Variants in MEI1 observed in about 807,000 individuals in gnomAD.
MEI1 encodes the protein meiotic double-stranded break formation protein 1.
A neutral mutation model predicts 146.2 loss-of-function variants in MEI1; 103 were observed. The ratio of observed to expected loss-of-function variants is 0.70; its 90% CI spans 0.60 to 0.83. MEI1 has a LOEUF of 0.83. Among genes scored for constraint, MEI1 ranks in the 40% least tolerant of loss-of-function variants. The pLI, the probability that MEI1 is intolerant of heterozygous loss-of-function variation, is 0.00. For missense variants in MEI1, 1,529 were observed against 1,533.0 expected, an observed-to-expected ratio of 1.00 and a Z score of 0.04; for synonymous variants, 652 against 628.2, an observed-to-expected ratio of 1.04 and a Z score of -0.57.
chr22:41,732,608 G>A lies in MEI1; in HGVS notation c.1331+5G>A. ...GGCCACTTCTGCTTTTCTGAGGTGA[G>A]AGACCCAGGCAGGCTGAACTTTCCA... On this transcript the variant is annotated splice_donor_5th_base_variant and intron_variant, in intron 11 of 30. Transcript: ENST00000401548. 2 of 1,612,012 alleles carry A rather than the reference G, an allele frequency of 1.2e-6. No individual in the cohort carries two copies. Among genetic ancestry groups the A allele is most frequent in the East Asian group, 2.2e-5 (1 of 44,848 alleles).
intron 26 of MEI1, among the ~76,000 whole-genome samples, chr22:41,791,319 TC>T (rs1253658234): frequency 6.7e-6 from 1 of 149,240 alleles, no homozygotes; most frequent in Non-Finnish European, 1.5e-5. Flanking sequence ...CAACCCTATC[TC>T]TATAAAAAAT....
At position 41,763,188 on chromosome 22, in the gene MEI1, CAG is replaced by C. The variant is rs1396359145; in HGVS notation, c.2138_2139del (p.Glu713ValfsTer3). 6.2e-7 allele frequency: 1 copy of C among 1,613,858 alleles called. No individual in the cohort carries two copies. On this transcript the variant is annotated frameshift_variant, in exon 19 of 31. Coordinates refer to ENST00000401548, the MANE Select transcript of MEI1 (RefSeq NM_152513.4). LOFTEE classifies it high-confidence loss of function. ...TTGGTTGACAGGTTTGTCTCAGAGG[CAG>C]AGTTATTTGAGGCTGTGCAAAGCTT...
At chr22:41,784,861 A>AGGAGTATCAGGCT in intron 26 of MEI1, 78 bp downstream of exon 26, 1 of 1,210,892 alleles carries the variant, frequency 8.3e-7, no homozygotes, top group Non-Finnish European at 1.1e-6. Flanking sequence ...AGAGCCTGAT[A>AGGAGTATCAGGCT]CTCCTACCAG....
At chr22:41,769,245 G>A (rs2075031825) in intron 19 of MEI1, among the ~76,000 whole-genome samples, 1 of 152,114 alleles carries the variant, frequency 6.6e-6, no homozygotes, top group Non-Finnish European at 1.5e-5. Context: ...ATAGAATTGA[G>A]AGTCCAGAAG....
At chr22:41,785,455 G>A (rs1441372984) in intron 26 of MEI1, among the ~76,000 whole-genome samples, 1 of 150,656 alleles carries the variant, frequency 6.6e-6, no homozygotes, top group Non-Finnish European at 1.5e-5. Flanking sequence ...GTAGAGAAAG[G>A]TTTTCACTGT....
At chr22:41,797,102 A>T (rs1317801573) in intron 30 of MEI1, among the ~76,000 whole-genome samples, 1 of 151,910 alleles carries the variant, frequency 6.6e-6, no homozygotes, top group African/African-American at 2.4e-5. Flanking sequence ...GGCCCAAGGG[A>T]TCCTCCCGCC....
chr22:41,741,874 G>T (rs2072898475), intron 11 of MEI1, among the ~76,000 whole-genome samples: 1 of 150,392 alleles, frequency 6.6e-6, no homozygotes, highest in South Asian at 2.1e-4. Flanking sequence ...AACCCGGGAG[G>T]CAGAGGTTGC....
At chr22:41,769,342 G>T (rs998220895) in intron 19 of MEI1, among the ~76,000 whole-genome samples, 1 of 151,938 alleles carries the variant, frequency 6.6e-6, no homozygotes, top group Non-Finnish European at 1.5e-5. Context: ...AAATTTTCAG[G>T]AACAACTAGA....
chr22:41,758,557 T>G (rs767288258), intron 18 of MEI1, 24 bp downstream of exon 18: 22 of 1,597,608 alleles, frequency 1.4e-5, no homozygotes, highest in Non-Finnish European at 1.5e-5. Context: ...GGTGGGTGGC[T>G]GGTGGTGGGT....
chr22:41,761,193 C>T (rs1430508899), intron 18 of MEI1, among the ~76,000 whole-genome samples: 1 of 152,034 alleles, frequency 6.6e-6, no homozygotes, highest in Non-Finnish European at 1.5e-5. Context: ...CGTCTGTAAT[C>T]CCAGCTACTG....
At chr22:41,700,869 A>G (rs1217391835) in intron 1 of MEI1, among the ~76,000 whole-genome samples, 3 of 149,964 alleles carry the variant, frequency 2.0e-5, no homozygotes, top group Admixed American at 6.7e-5. Flanking sequence ...CCCAAAGTCC[A>G]AAGTGTTGGG....
intron 30 of MEI1, among the ~76,000 whole-genome samples, chr22:41,798,550 C>A (rs182303739): frequency 1.2e-3 from 184 of 150,572 alleles, no homozygotes; most frequent in African/African-American, 4.3e-3. Context: ...TGTACTCCAG[C>A]CTGGGCAACA....
rs765238798 is a variant in MEI1, at chr22:41,754,035, C to T, written c.1940C>T (p.Pro647Leu). The change falls in exon 17 of 31, where the codon CCT becomes CTT. Residue 647 changes from proline (P) to leucine (L), a missense_variant. Pro to Leu is a moderately conservative substitution (Grantham distance 98, BLOSUM62 -3). Transcript: ENST00000401548. ...TCAGCTCCAGAGAAGACAGGACCAC[C>T]TTCCAAAGAAGGTAAGATGCTACAA... ...LLSAPEKTGP[P>L]SKEELSAVSE... The T allele has an allele frequency of 6.2e-7, 1 of 1,611,342 alleles. No homozygotes were observed. Among genetic ancestry groups the T allele is most frequent in the South Asian group, 1.1e-5 (1 of 91,038 alleles).
At chr22:41,789,219 G>A (rs1233556119) in intron 26 of MEI1, among the ~76,000 whole-genome samples, 1 of 152,138 alleles carries the variant, frequency 6.6e-6, no homozygotes, top group Non-Finnish European at 1.5e-5. Flanking sequence ...GGCCAAGGCA[G>A]GAGAATCACT....
chr22:41,790,436 C>T (rs2076136802), intron 26 of MEI1, among the ~76,000 whole-genome samples: 1 of 152,144 alleles, frequency 6.6e-6, no homozygotes, highest in South Asian at 2.1e-4. Context: ...ATGATTCATA[C>T]ATTCAGCAAA....
Position 41,793,929 on chromosome 22 carries a change from A to G in MEI1, c.3427+19A>G. The G allele has an allele frequency of 1.2e-6, 2 of 1,602,706 alleles. No homozygotes were observed. The highest frequency in any genetic ancestry group is 2.2e-5 in the South Asian group (2 of 89,500). On this transcript the variant is annotated intron_variant, in intron 27 of 30. Transcript: ENST00000401548. ...GACATTGGTAGAAACTCTCCACATT[A>G]TCTGATGTTCCCATGAGAGAGATTA...
intron 18 of MEI1, among the ~76,000 whole-genome samples, chr22:41,762,423 G>T (rs770362303): frequency 2.6e-5 from 4 of 150,992 alleles, no homozygotes; most frequent in Non-Finnish European, 5.9e-5. Context: ...TACCCAGGCT[G>T]AATTGCAGTA....
chr22:41,734,677 G>C (rs1398524338), intron 11 of MEI1, among the ~76,000 whole-genome samples: 1 of 152,044 alleles, frequency 6.6e-6, no homozygotes, highest in South Asian at 2.1e-4. Context: ...TCGCTCTGTC[G>C]CCCAGGCTGG....
At chr22:41,726,568 A>G (rs1435307930) in intron 7 of MEI1, among the ~76,000 whole-genome samples, 1 of 152,172 alleles carries the variant, frequency 6.6e-6, no homozygotes, top group South Asian at 2.1e-4. Context: ...GATACATATC[A>G]TATTTCTTTG....
Sources: gnomAD v4.1 joint callset for allele counts (sites outside exome capture counted in the v4.1 genomes callset) on GRCh38, gnomAD v4.1.1 for gene constraint, MANE v1.5 for transcripts, NCBI Gene and HGNC (gene_info 2026-07-23, HGNC 2026-07-21) for gene names.